CADPS2: variants seen among roughly 807,000 people sequenced by gnomAD.
The protein encoded by CADPS2 is calcium dependent secretion activator 2.
In CADPS2, 93 loss-of-function variants were observed where a neutral mutation model predicts 172.5. The observed-to-expected ratio is 0.54, with a 90% CI of 0.46 to 0.64. CADPS2 has a LOEUF of 0.64. Ranked by LOEUF, CADPS2 falls within the 30% of genes least tolerant of loss-of-function variation. CADPS2 has a pLI of 0.00. For synonymous variants in CADPS2, 546 were observed against 555.2 expected (o/e 0.98, Z 0.23); for missense variants, 1,420 against 1,565.9 (o/e 0.91, Z 1.57).
intron 1 of CADPS2, among the ~76,000 whole-genome samples, chr7:122,842,525 C>G (rs1810843937): frequency 1.3e-5 from 2 of 152,030 alleles, no homozygotes; most frequent in African/African-American, 4.8e-5. Context: ...ATATCAAAAA[C>G]CAAAAATTCA....
chr7:122,341,807 G>T lies in CADPS2; in HGVS notation c.3612+3767C>A, dbSNP rs533055226. On this transcript the variant is annotated intron_variant, in intron 28 of 29. Coordinates refer to ENST00000449022, the MANE Select transcript of CADPS2 (RefSeq NM_017954.11). ...AGGTGAAGCACCTAGAACATTTCCT[G>T]GAACAAGGAGGTGGCCAGGAAATGG... Among the ~76,000 whole-genome samples the T allele has an allele frequency of 2.0e-5, 3 of 152,210 alleles. No individual in the cohort carries two copies. In the South Asian group the frequency reaches 6.2e-4, roughly 32 times the overall value.
chr7:122,551,416 G>A (rs1249603357), intron 8 of CADPS2, among the ~76,000 whole-genome samples: 1 of 151,946 alleles, frequency 6.6e-6, no homozygotes, highest in Non-Finnish European at 1.5e-5. Flanking sequence ...AAGAAACTTA[G>A]AGTACAGTTG....
intron 5 of CADPS2, among the ~76,000 whole-genome samples, chr7:122,617,030 A>G (rs377555188): frequency 4.1e-4 from 63 of 152,324 alleles, no homozygotes; most frequent in African/African-American, 1.5e-3. Flanking sequence ...ATTGCTTCAT[A>G]TTTCAGAATA....
intron 1 of CADPS2, among the ~76,000 whole-genome samples, chr7:122,884,064 T>C (rs1823652354): frequency 6.6e-6 from 1 of 152,186 alleles, no homozygotes. Context: ...GCAACAAGTA[T>C]TCACAGTATA....
At chr7:122,539,776 T>C (rs1416403846) in intron 8 of CADPS2, among the ~76,000 whole-genome samples, 4 of 151,986 alleles carry the variant, frequency 2.6e-5, no homozygotes, top group Non-Finnish European at 5.9e-5. Context: ...TGTCTCTCTC[T>C]TTCTGTTTCT....
At chr7:122,377,061 C>T (rs1379659918) in intron 25 of CADPS2, among the ~76,000 whole-genome samples, 1 of 152,072 alleles carries the variant, frequency 6.6e-6, no homozygotes, top group Non-Finnish European at 1.5e-5. Context: ...TACGATTTGA[C>T]AGCAGGAGAA....
At chr7:122,490,410 G>A in intron 10 of CADPS2, 129 bp from the exon 11 acceptor site, 4 of 680,210 alleles carry the variant, frequency 5.9e-6, no homozygotes, top group Non-Finnish European at 9.9e-6. Flanking sequence ...AGAATATTTA[G>A]TTTAAAGGAT....
intron 27 of CADPS2, among the ~76,000 whole-genome samples, chr7:122,355,571 G>T (rs1321835699): frequency 6.8e-6 from 1 of 146,624 alleles, no homozygotes; most frequent in Admixed American, 6.7e-5. Context: ...CACAGAGTGA[G>T]GCTGTCTTAT....
At chr7:122,622,293 T>C (rs1157411424) in intron 4 of CADPS2, among the ~76,000 whole-genome samples, 2 of 152,200 alleles carry the variant, frequency 1.3e-5, no homozygotes, top group Admixed American at 1.3e-4. Context: ...CCAAGATCTC[T>C]TCTGGCTATA....
chr7:122,490,052 TAATC>T (rs773844764), intron 11 of CADPS2, 25 bp downstream of exon 11: 6 of 1,590,492 alleles, frequency 3.8e-6, no homozygotes, highest in African/African-American at 1.3e-5. Context: ...TATTAATTGA[TAATC>T]AAATTATTTT....
intron 1 of CADPS2, among the ~76,000 whole-genome samples, chr7:122,750,838 C>T (rs1338918662): frequency 2.0e-5 from 3 of 151,938 alleles, no homozygotes; most frequent in Non-Finnish European, 4.4e-5. Flanking sequence ...TTTTAAAGTT[C>T]CTGAGGGAGT....
chr7:122,657,949 G>C lies in CADPS2; in HGVS notation c.786+5288C>G, dbSNP rs933407871. On this transcript the variant is annotated intron_variant, in intron 3 of 29. Coordinates refer to ENST00000449022, the MANE Select transcript of CADPS2 (RefSeq NM_017954.11). ...ACAGAAGCTGCCATCAGAGTGAACA[G>C]GCAACCTACAGAATGGGAGAAAATT... 2.0e-5 allele frequency among the ~76,000 whole-genome samples: 3 copies of C among 152,090 alleles called. No homozygotes were observed. In the South Asian group the frequency reaches 6.2e-4, roughly 31 times the overall value.
Position 122,797,564 on chromosome 7 carries a change from G to A in CADPS2, c.340-60496C>T, listed in dbSNP as rs1017029510. On this transcript the variant is annotated intron_variant, in intron 1 of 29. Coordinates refer to ENST00000449022, the MANE Select transcript of CADPS2 (RefSeq NM_017954.11). Reference sequence around the variant, plus strand: ...CTTTGCAGAGACATAGATGGAGCTGGAGGCCATTATCCTTAGCAAACTAAT... The same window carrying A: ...CTTTGCAGAGACATAGATGGAGCTGAAGGCCATTATCCTTAGCAAACTAAT... Among the ~76,000 whole-genome samples the A allele has an allele frequency of 3.3e-5, 5 of 152,290 alleles. No homozygotes were observed. The South Asian group carries it at 1.0e-3, about 32-fold the overall frequency.
chr7:122,560,278 C>T (rs1016867289), intron 7 of CADPS2, among the ~76,000 whole-genome samples: 1 of 152,004 alleles, frequency 6.6e-6, no homozygotes, highest in African/African-American at 2.4e-5. Flanking sequence ...AAGGAGATAC[C>T]AGAAGGTTAA....
intron 6 of CADPS2, among the ~76,000 whole-genome samples, chr7:122,605,033 G>T (rs1260172223): frequency 6.6e-6 from 1 of 152,068 alleles, no homozygotes; most frequent in African/African-American, 2.4e-5. Flanking sequence ...AGCATGTATT[G>T]TCCTAAATAC....
At chr7:122,423,973 A>C (rs1308394114) in intron 17 of CADPS2, among the ~76,000 whole-genome samples, 1 of 152,246 alleles carries the variant, frequency 6.6e-6, no homozygotes, top group Non-Finnish European at 1.5e-5. Context: ...CTATACTTTT[A>C]TATAAACCTC....
At chr7:122,871,589 C>T (rs902469798) in intron 1 of CADPS2, among the ~76,000 whole-genome samples, 4 of 152,000 alleles carry the variant, frequency 2.6e-5, no homozygotes, top group African/African-American at 7.2e-5. Context: ...CTAGATTCAG[C>T]ATACAAAATA....
At chr7:122,481,307 C>T (rs541836570) in intron 11 of CADPS2, among the ~76,000 whole-genome samples, 4 of 152,056 alleles carry the variant, frequency 2.6e-5, no homozygotes, top group African/African-American at 9.6e-5. Flanking sequence ...TTACTAGCAG[C>T]CTGGAATACA....
chr7:122,648,890 T>C (rs2078842125), intron 3 of CADPS2, among the ~76,000 whole-genome samples: 1 of 152,070 alleles, frequency 6.6e-6, no homozygotes, highest in African/African-American at 2.4e-5. Flanking sequence ...AGCAGAACAA[T>C]GCGTAGTGCT....
Sources: gnomAD v4.1 joint callset for allele counts (sites outside exome capture counted in the v4.1 genomes callset) on GRCh38, gnomAD v4.1.1 for gene constraint, MANE v1.5 for transcripts, NCBI Gene and HGNC (gene_info 2026-07-23, HGNC 2026-07-21) for gene names.